Variants in SLC24A2 observed in about 807,000 individuals in gnomAD.
SLC24A2 encodes solute carrier family 24 member 2.
Under a neutral mutation model 62.0 loss-of-function variants are expected in SLC24A2, and 36 were observed. The ratio of observed to expected loss-of-function variants is 0.58; its 90% CI spans 0.44 to 0.77. The LOEUF (loss-of-function observed/expected upper bound fraction) is 0.77, where lower values mean the gene tolerates loss of function less well. Among genes scored for constraint, SLC24A2 ranks in the 30% least tolerant of loss-of-function variants. SLC24A2 has a pLI of 0.00. For synonymous variants in SLC24A2, 358 were observed against 294.0 expected (o/e 1.22, Z -2.23); for missense variants, 846 against 817.9 (o/e 1.03, Z -0.42).
intron 2 of SLC24A2, among the ~76,000 whole-genome samples, chr9:19,720,625 T>C (rs564678732): frequency 9.9e-5 from 15 of 152,116 alleles, no homozygotes; most frequent in Non-Finnish European, 1.8e-4. Flanking sequence ...TGCTGGAGTC[T>C]TGGAGTCTGT....
At chr9:20,153,228 C>G in the SLC24A2 span, among the ~76,000 whole-genome samples, 1 of 151,872 alleles carries the variant, frequency 6.6e-6, no homozygotes, top group South Asian at 2.1e-4. Context: ...AGCTATTGAC[C>G]AGACCAGAAC....
At chr9:19,521,827 A>G (rs1193548810) in intron 9 of SLC24A2, among the ~76,000 whole-genome samples, 3 of 150,746 alleles carry the variant, frequency 2.0e-5, no homozygotes, top group Admixed American at 2.0e-4. Context: ...GTACATTATT[A>G]TTGAAAAGCA....
the SLC24A2 span, among the ~76,000 whole-genome samples, chr9:20,074,591 A>G: frequency 2.4e-3 from 223 of 92,038 alleles, 5 homozygotes; most frequent in Admixed American, 0.024. Context: ...GGAAGGAAGG[A>G]AGGAAGGAAG....
the SLC24A2 span, among the ~76,000 whole-genome samples, chr9:19,969,109 T>C: frequency 2.6e-5 from 4 of 151,310 alleles, no homozygotes; most frequent in Admixed American, 2.0e-4. Context: ...AGGCTTCTTG[T>C]GTTTTAAACC....
the SLC24A2 span, among the ~76,000 whole-genome samples, chr9:20,259,196 G>A: frequency 1.3e-5 from 2 of 152,080 alleles, no homozygotes; most frequent in Non-Finnish European, 2.9e-5. Context: ...AAAAATTGAC[G>A]CCCTGCTGAT....
At chr9:20,254,884 C>T in the SLC24A2 span, among the ~76,000 whole-genome samples, 1 of 152,190 alleles carries the variant, frequency 6.6e-6, no homozygotes, top group Non-Finnish European at 1.5e-5. Flanking sequence ...AGCAAAGATA[C>T]ATCTTACATG....
At chr9:19,714,841 C>T (rs113031543) in intron 2 of SLC24A2, among the ~76,000 whole-genome samples, 5 of 151,906 alleles carry the variant, frequency 3.3e-5, no homozygotes, top group African/African-American at 7.3e-5. Context: ...GTCTTTATGT[C>T]GTACATTAGA....
chr9:20,030,909 A>C, the SLC24A2 span, among the ~76,000 whole-genome samples: 1 of 151,792 alleles, frequency 6.6e-6, no homozygotes. Flanking sequence ...CCCGCTGCTC[A>C]CCCCCACCCT....
the SLC24A2 span, among the ~76,000 whole-genome samples, chr9:19,875,751 G>A: frequency 6.6e-6 from 1 of 152,208 alleles, no homozygotes; most frequent in Non-Finnish European, 1.5e-5. Flanking sequence ...TGAAAGGAAT[G>A]ATGAACAGCT....
intron 2 of SLC24A2, among the ~76,000 whole-genome samples, chr9:19,658,884 A>G (rs1819014243): frequency 6.6e-6 from 1 of 152,210 alleles, no homozygotes; most frequent in African/African-American, 2.4e-5. Context: ...CACAGGTATC[A>G]GAGGGTTCCA....
At position 19,573,360 on chromosome 9, in the gene SLC24A2, T is replaced by C; in HGVS notation, c.1338A>G (p.Ala446=). 2 of 1,608,756 alleles carry C rather than the reference T, an allele frequency of 1.2e-6. No individual in the cohort carries two copies. Among genetic ancestry groups the C allele is most frequent in the Non-Finnish European group, 1.7e-6 (2 of 1,175,230 alleles). Residue 446 remains alanine (A), a synonymous_variant, in exon 7 of 11, where the codon GCA becomes GCG. Coordinates refer to ENST00000341998, the MANE Select transcript of SLC24A2 (RefSeq NM_020344.4). Reference sequence around the variant, plus strand: ...TGGAGAAAAGCCATACCTGGGCTTCTGCACCTTCAATGTTGTGGGAGAGAT... The same window carrying C: ...TGGAGAAAAGCCATACCTGGGCTTCCGCACCTTCAATGTTGTGGGAGAGAT... ...NGNLSHNIEG[A]EAQTADEEED...
the SLC24A2 span, among the ~76,000 whole-genome samples, chr9:19,919,646 A>C: frequency 6.6e-6 from 1 of 152,306 alleles, no homozygotes; most frequent in African/African-American, 2.4e-5. Flanking sequence ...GTAATTTATA[A>C]AGAAAAGAGG....
intron 9 of SLC24A2, among the ~76,000 whole-genome samples, chr9:19,526,658 A>C (rs1413478929): frequency 6.6e-6 from 1 of 152,128 alleles, no homozygotes; most frequent in African/African-American, 2.4e-5. Flanking sequence ...TCTTTGGTGA[A>C]ATATCTGTTC....
At chr9:19,637,432 C>T (rs937065034) in intron 2 of SLC24A2, among the ~76,000 whole-genome samples, 2 of 152,148 alleles carry the variant, frequency 1.3e-5, no homozygotes, top group African/African-American at 2.4e-5. Flanking sequence ...ACTATTGCCC[C>T]TCTGTAGGCT....
the SLC24A2 span, among the ~76,000 whole-genome samples, chr9:19,969,183 CCACACACACACACACACACACA>C: frequency 8.2e-6 from 1 of 122,182 alleles, no homozygotes; most frequent in Non-Finnish European, 1.7e-5. Context: ...ACCTCCTTTG[CCACACACACACACACACACACA>C]CACACACACA....
rs184899054 is a variant in SLC24A2, at chr9:19,633,193, T to A, written c.931-10894A>T. On this transcript the variant is annotated intron_variant, in intron 2 of 10. Transcript: ENST00000341998. ...GTATGGATATACCACAGTTTAATGA[T>A]CTGCATGTTGAAAGGCATTTTGGAT... is the stretch of plus-strand genomic sequence containing the variant. 3.3e-5 allele frequency among the ~76,000 whole-genome samples: 5 copies of A among 152,378 alleles called. No individual in the cohort carries two copies. In the East Asian group the frequency reaches 7.7e-4, roughly 23 times the overall value.
chr9:19,736,166 C>G (rs1821503939), intron 2 of SLC24A2, among the ~76,000 whole-genome samples: 1 of 151,890 alleles, frequency 6.6e-6, no homozygotes, highest in Non-Finnish European at 1.5e-5. Context: ...TATATGTTCT[C>G]TACAATTTTA....
At chr9:19,604,635 AAAAC>A (rs1004013955) in intron 4 of SLC24A2, among the ~76,000 whole-genome samples, 8 of 152,202 alleles carry the variant, frequency 5.3e-5, no homozygotes, top group African/African-American at 1.4e-4. Flanking sequence ...AGTAAAATGA[AAAAC>A]AAACAAACAA....
the SLC24A2 span, among the ~76,000 whole-genome samples, chr9:20,302,796 T>G: frequency 6.6e-6 from 1 of 152,248 alleles, no homozygotes; most frequent in Non-Finnish European, 1.5e-5. Flanking sequence ...TCATTTATTT[T>G]TAATTGCCAA....
Sources: gnomAD v4.1 joint callset for allele counts (sites outside exome capture counted in the v4.1 genomes callset) on GRCh38, gnomAD v4.1.1 for gene constraint, MANE v1.5 for transcripts, NCBI Gene and HGNC (gene_info 2026-07-23, HGNC 2026-07-21) for gene names.